The following STAB2 variants were observed in gnomAD, a reference collection of about 807,000 sequenced individuals.
STAB2 encodes the protein stabilin-2.
Under a neutral mutation model 338.1 loss-of-function variants are expected in STAB2, and 288 were observed. That is an observed-to-expected ratio of 0.85 (90% confidence interval 0.77 to 0.94). The LOEUF is 0.94. Among genes scored for constraint, STAB2 ranks in the 40% least tolerant of loss-of-function variants. The pLI is 0.00. For synonymous variants in STAB2, 1,202 were observed against 1,193.3 expected (o/e 1.01, Z -0.15); for missense variants, 3,141 against 3,210.1 (o/e 0.98, Z 0.52).
rs1323548667 is a variant in STAB2 at position 103,755,463 on chromosome 12, G to A, written c.6876G>A (p.Met2292Ile). ...TGTGGGATGTCTTCTGCTATCGGAT[G>A]AAAGGTAACCGCCCCAGCTACACTT... is the stretch of plus-strand genomic sequence containing the variant. ...SEMWDVFCYR[M>I]KDVNCTCKVG... The change falls in exon 62 of 69, where the codon ATG becomes ATA. Residue 2292 changes from methionine (M) to isoleucine (I), a missense_variant. Met to Ile is a conservative substitution (Grantham distance 10). Transcript: ENST00000388887. The A allele has an allele frequency of 6.2e-7, 1 of 1,613,748 alleles. No homozygotes were observed. Among genetic ancestry groups the A allele is most frequent in the East Asian group, 2.2e-5 (1 of 44,858 alleles).
intron 67 of STAB2, among the ~76,000 whole-genome samples, chr12:103,762,666 T>C (rs906987702): frequency 2.0e-5 from 3 of 152,200 alleles, no homozygotes; most frequent in African/African-American, 7.2e-5. Context: ...TGAGCCTCTG[T>C]GCCAGGGGTT....
At chr12:103,607,413 T>A (rs1370407261) in intron 3 of STAB2, among the ~76,000 whole-genome samples, 3 of 152,024 alleles carry the variant, frequency 2.0e-5, no homozygotes, top group Non-Finnish European at 4.4e-5. Flanking sequence ...ATACTTTAAG[T>A]TTTAGGGTAC....
chr12:103,646,176 A>G (rs1873316087), intron 9 of STAB2, among the ~76,000 whole-genome samples: 1 of 152,222 alleles, frequency 6.6e-6, no homozygotes, highest in African/African-American at 2.4e-5. Flanking sequence ...CTCCAGAAAG[A>G]AAAGAAAAGA....
At chr12:103,761,499 C>T in intron 66 of STAB2, 89 bp downstream of exon 66, 1 of 1,151,016 alleles carries the variant, frequency 8.7e-7, no homozygotes, top group Non-Finnish European at 1.3e-6. Context: ...GCCCTGTCCT[C>T]CTCCCTCTTC....
In STAB2 at chr12:103,735,696, C is replaced by T. The variant is rs956896032; in HGVS notation, c.5550+116C>T. On this transcript the variant is annotated intron_variant, in intron 52 of 68. Coordinates refer to ENST00000388887, the MANE Select transcript of STAB2 (RefSeq NM_017564.10). ...TTTTTTCCCCTCCATTCATAGCGGGCTCATTTTTTTTCTCACTACCTTCAG... is the reference window on the plus strand; with the variant it reads ...TTTTTTCCCCTCCATTCATAGCGGGTTCATTTTTTTTCTCACTACCTTCAG... 6 of 838,914 alleles carry T rather than the reference C, an allele frequency of 7.2e-6. No homozygotes were observed. In the South Asian group the frequency reaches 8.3e-5, roughly 12 times the overall value. The allele number at this position is 838,914 out of a possible 1,614,324, so 52.0% of individuals were successfully genotyped here. A position where few individuals can be genotyped will look rare whatever the true frequency, so the allele number is the denominator to read the frequency against.
chr12:103,692,565 CTCTTTT>C (rs1297607792), intron 30 of STAB2, among the ~76,000 whole-genome samples: 1 of 152,138 alleles, frequency 6.6e-6, no homozygotes, highest in Non-Finnish European at 1.5e-5. Context: ...CTTTCTCTTT[CTCTTTT>C]TCTTTCTCTC....
intron 44 of STAB2, 80 bp from the exon 45 acceptor site, chr12:103,724,895 G>T (rs1881058697): frequency 1.9e-6 from 3 of 1,573,288 alleles, no homozygotes; most frequent in Non-Finnish European, 8.7e-7. Context: ...TTCAAACGCA[G>T]AATTGCTTTG....
intron 34 of STAB2, among the ~76,000 whole-genome samples, chr12:103,702,620 T>C (rs111363642): frequency 0.02 from 3,000 of 152,324 alleles, 97 homozygotes; most frequent in African/African-American, 0.066. Context: ...TTTATTCTTG[T>C]ATAACCATCA....
In STAB2 at chr12:103,684,999, A is replaced by C; in HGVS notation, c.2912A>C (p.Gln971Pro). 1 of 1,613,860 alleles carries C rather than the reference A, an allele frequency of 6.2e-7. No homozygotes were observed. Among genetic ancestry groups the C allele is most frequent in the East Asian group, 2.2e-5 (1 of 44,872 alleles). ...TCTTGGTTTTCTCAGGCAAGCTGTC[A>C]ATCTACTTCGTCTGGTGTCTGGAGC... ...TGKCHPLASC[Q>P]STSSGVWSCV... is the part of the protein sequence containing the mutation. The change falls in exon 27 of 69, where the codon CAA (glutamine) becomes CCA (proline). Residue 971 changes from glutamine to proline, a missense_variant. Transcript: ENST00000388887.
chr12:103,620,992 G>C (rs1593150637), intron 4 of STAB2, among the ~76,000 whole-genome samples: 1 of 152,206 alleles, frequency 6.6e-6, no homozygotes, highest in South Asian at 2.1e-4. Context: ...AGCTACTCAG[G>C]AGGCTGAGGC....
At chr12:103,673,055 C>T (rs1875967068) in intron 22 of STAB2, among the ~76,000 whole-genome samples, 1 of 152,162 alleles carries the variant, frequency 6.6e-6, no homozygotes, top group Non-Finnish European at 1.5e-5. Context: ...GAAGGCTGAC[C>T]TAGTGCCTTG....
intron 65 of STAB2, among the ~76,000 whole-genome samples, chr12:103,760,718 G>C (rs1027109279): frequency 6.6e-6 from 1 of 152,162 alleles, no homozygotes; most frequent in Non-Finnish European, 1.5e-5. Context: ...GTGCCTGACA[G>C]GTAGCAAGTG....
intron 3 of STAB2, 76 bp downstream of exon 3, chr12:103,594,586 C>G (rs749303084): frequency 2.6e-6 from 3 of 1,152,934 alleles, no homozygotes; most frequent in Admixed American, 3.5e-5. Context: ...ATGAAGGAAG[C>G]CCAATAAAAA....
At chr12:103,678,916 C>A (rs918907572) in intron 25 of STAB2, among the ~76,000 whole-genome samples, 2 of 152,212 alleles carry the variant, frequency 1.3e-5, no homozygotes, top group African/African-American at 4.8e-5. Flanking sequence ...CTCCTCCATT[C>A]TGCTAGGAAT....
chr12:103,655,918 C>T (rs1874147211), intron 15 of STAB2, among the ~76,000 whole-genome samples: 1 of 152,200 alleles, frequency 6.6e-6, no homozygotes, highest in Non-Finnish European at 1.5e-5. Flanking sequence ...CTTCAAGTTC[C>T]CTACAACTCT....
chr12:103,606,969 G>A (rs1177881726), intron 3 of STAB2, among the ~76,000 whole-genome samples: 3 of 152,106 alleles, frequency 2.0e-5, no homozygotes, highest in Non-Finnish European at 2.9e-5. Context: ...GGGCAACAGA[G>A]CAAGACTCTG....
intron 41 of STAB2, 110 bp downstream of exon 41, chr12:103,712,553 G>A (rs1879964263): frequency 6.2e-6 from 5 of 807,314 alleles, no homozygotes; most frequent in African/African-American, 3.4e-5. Flanking sequence ...GCCAACCACT[G>A]ATGGTGAATT....
intron 6 of STAB2, 144 bp downstream of exon 6, chr12:103,631,837 G>A: frequency 1.4e-6 from 1 of 694,866 alleles, no homozygotes; most frequent in Non-Finnish European, 2.4e-6. Flanking sequence ...ATTAAAAAGA[G>A]AATATAGAAG....
At chr12:103,761,183 G>A in intron 65 of STAB2, 117 bp from the exon 66 acceptor site, 1 of 875,128 alleles carries the variant, frequency 1.1e-6, no homozygotes, top group Non-Finnish European at 1.8e-6. Context: ...CTGCCTATCA[G>A]TGGAGACAAA....
Sources: allele counts gnomAD v4.1 joint callset (sites outside exome capture counted in the v4.1 genomes callset), GRCh38; gene constraint gnomAD v4.1.1; transcripts MANE v1.5; gene names NCBI Gene and HGNC (gene_info 2026-07-23, HGNC 2026-07-21).